Variants in SRGAP1 observed in about 807,000 individuals in gnomAD.
SRGAP1 encodes SLIT-ROBO Rho GTPase-activating protein 1.
SRGAP1 carries 43 observed loss-of-function variants against 121.9 expected under a neutral mutation model. The observed-to-expected ratio is 0.35, with a 90% CI of 0.28 to 0.46. The LOEUF (loss-of-function observed/expected upper bound fraction) is 0.46. Among genes scored for constraint, SRGAP1 ranks in the 20% least tolerant of loss-of-function variants. SRGAP1 has a pLI of 1.00. For missense variants in SRGAP1, 1,102 were observed against 1,350.9 expected (o/e 0.82, Z 2.89); for synonymous variants, 447 against 485.4 (o/e 0.92, Z 1.04).
rs753005951 is a variant in SRGAP1 at position 64,111,817 on chromosome 12, T to A, written c.1975T>A (p.Phe659Ile). Residue 659 changes from phenylalanine to isoleucine, a missense_variant, in exon 17 of 22, where the codon TTT becomes ATT. Phe to Ile is a conservative substitution (Grantham distance 21, BLOSUM62 0). Coordinates refer to ENST00000355086, the MANE Select transcript of SRGAP1 (RefSeq NM_020762.4). The part of the protein sequence containing the change: ...MMDPYNLAIC[F>I]GPTLMPVPEI... The stretch of plus-strand genomic sequence containing the variant: ...GGACCCTTATAACCTGGCCATTTGC[T>A]TTGGCCCAACATTGATGCCTGTCCC... The A allele has an allele frequency of 6.2e-7, 1 of 1,614,104 alleles. No individual in the cohort carries two copies. Among genetic ancestry groups the A allele is most frequent in the East Asian group, 2.2e-5 (1 of 44,868 alleles).
At chr12:63,866,358 G>A (rs140073658) in intron 1 of SRGAP1, among the ~76,000 whole-genome samples, 1 of 152,310 alleles carries the variant, frequency 6.6e-6, no homozygotes, top group East Asian at 1.9e-4. Flanking sequence ...TTGATATTGT[G>A]AGTTGTCTCC....
At chr12:63,969,039 T>G (rs149299102) in intron 1 of SRGAP1, among the ~76,000 whole-genome samples, 2 of 152,204 alleles carry the variant, frequency 1.3e-5, no homozygotes, top group Admixed American at 6.5e-5. Context: ...TGGGTCGGTG[T>G]GGAAAGCTTT....
rs2037201144 is a variant in SRGAP1, at chr12:64,160,494, T to C, written c.*17822T>C. 1.3e-5 allele frequency: 2 copies of C among 152,348 alleles called. No homozygotes were observed. Among genetic ancestry groups the C allele is most frequent in the South Asian group, 4.1e-4 (2 of 4,824 alleles). The allele number at this position is 152,348 out of a possible 1,614,324, so 9.4% of individuals were successfully genotyped here. A position where few individuals can be genotyped will look rare whatever the true frequency, so the allele number is the denominator to read the frequency against. On this transcript the variant is annotated 3_prime_UTR_variant, in exon 22 of 22. Coordinates refer to ENST00000355086, the MANE Select transcript of SRGAP1 (RefSeq NM_020762.4). ...GGAAATGACCCAGCCCTAGATTTAC[T>C]TGGCTTTAGTTTCCATCACCATAGA...
chr12:64,001,954 C>T (rs1332105164), intron 3 of SRGAP1, among the ~76,000 whole-genome samples: 1 of 152,172 alleles, frequency 6.6e-6, no homozygotes, highest in African/African-American at 2.4e-5. Context: ...TGAATACCCG[C>T]AGCAGTTTAA....
chr12:64,000,277 A>AGTGTGTGTGT (rs747929850), intron 3 of SRGAP1, among the ~76,000 whole-genome samples: 103 of 83,426 alleles, frequency 1.2e-3, no homozygotes, highest in Admixed American at 1.9e-3. Flanking sequence ...TGTGTGTGTA[A>AGTGTGTGTGT]AAAAAAAAAA....
chr12:63,930,143 G>A (rs2031417574), intron 1 of SRGAP1, among the ~76,000 whole-genome samples: 1 of 152,070 alleles, frequency 6.6e-6, no homozygotes. Flanking sequence ...AATTACTGAT[G>A]TTTGCTTCAT....
At chr12:63,962,751 C>G (rs1195533264) in intron 1 of SRGAP1, among the ~76,000 whole-genome samples, 1 of 152,134 alleles carries the variant, frequency 6.6e-6, no homozygotes, top group Non-Finnish European at 1.5e-5. Flanking sequence ...CTTAAAACTA[C>G]TCTATAGAAC....
At chr12:64,069,525 A>C (rs1436023191) in intron 8 of SRGAP1, among the ~76,000 whole-genome samples, 2 of 152,208 alleles carry the variant, frequency 1.3e-5, no homozygotes, top group Non-Finnish European at 2.9e-5. Context: ...GTGAATATTC[A>C]TTAGTGCCCA....
intron 1 of SRGAP1, among the ~76,000 whole-genome samples, chr12:63,874,425 G>A (rs753920975): frequency 6.6e-6 from 1 of 152,128 alleles, no homozygotes; most frequent in Non-Finnish European, 1.5e-5. Flanking sequence ...GGATGATCTC[G>A]ATCTCCTGAC....
At chr12:64,084,393 A>G (rs2035902881) in intron 10 of SRGAP1, among the ~76,000 whole-genome samples, 2 of 152,196 alleles carry the variant, frequency 1.3e-5, no homozygotes, top group Non-Finnish European at 2.9e-5. Flanking sequence ...TAGCTTTCCA[A>G]AGAAAATGAT....
intron 1 of SRGAP1, among the ~76,000 whole-genome samples, chr12:63,886,582 C>T (rs1900391315): frequency 1.3e-5 from 2 of 151,988 alleles, no homozygotes; most frequent in South Asian, 2.1e-4. Context: ...TGGGCTCAGG[C>T]GATCCTCCCA....
chr12:64,115,936 C>T (rs768623059), intron 18 of SRGAP1, 43 bp downstream of exon 18: 1 of 1,500,464 alleles, frequency 6.7e-7, no homozygotes, highest in Non-Finnish European at 9.2e-7. Context: ...GTCTTTATAT[C>T]CCTATTGTAA....
chr12:64,081,998 G>A (rs1481904096), intron 10 of SRGAP1: 1 of 15,302 alleles, frequency 6.5e-5, no homozygotes, highest in Non-Finnish European at 1.3e-4. Context: ...TGTCATGTAA[G>A]GTCTTTTTTT....
intron 1 of SRGAP1, among the ~76,000 whole-genome samples, chr12:63,921,676 G>T (rs950517733): frequency 3.3e-5 from 5 of 152,300 alleles, no homozygotes; most frequent in Middle Eastern, 3.4e-3. Context: ...TGTTCTTAAA[G>T]AATATAATTT....
chr12:63,943,737 G>T (rs2031945291), intron 1 of SRGAP1, among the ~76,000 whole-genome samples: 1 of 152,166 alleles, frequency 6.6e-6, no homozygotes. Context: ...ATGGAGATAT[G>T]CAGTGGGCCA....
At chr12:64,035,260 GC>G (rs771397044) in intron 4 of SRGAP1, among the ~76,000 whole-genome samples, 3 of 151,896 alleles carry the variant, frequency 2.0e-5, no homozygotes, top group Admixed American at 6.6e-5. Flanking sequence ...TTAAATATAA[GC>G]TGATTACAAA....
At chr12:63,856,249 T>G (rs1899245101) in intron 1 of SRGAP1, among the ~76,000 whole-genome samples, 1 of 146,126 alleles carries the variant, frequency 6.8e-6, no homozygotes, top group Non-Finnish European at 1.5e-5. Context: ...CGAAACTCCG[T>G]CTCTAAATAA....
At chr12:64,077,410 T>G (rs944288862) in intron 8 of SRGAP1, among the ~76,000 whole-genome samples, 1 of 151,198 alleles carries the variant, frequency 6.6e-6, no homozygotes, top group African/African-American at 2.4e-5. Context: ...AATAAATACA[T>G]GGGTGATGCT....
intron 2 of SRGAP1, 135 bp from the exon 3 acceptor site, chr12:63,989,775 C>A: frequency 1.6e-6 from 1 of 623,778 alleles, no homozygotes; most frequent in South Asian, 2.4e-5. Context: ...GTGTCCTGGT[C>A]TGAGAAATGC....
Sources: gnomAD v4.1 joint callset for allele counts (sites outside exome capture counted in the v4.1 genomes callset) on GRCh38, gnomAD v4.1.1 for gene constraint, MANE v1.5 for transcripts, NCBI Gene and HGNC (gene_info 2026-07-23, HGNC 2026-07-21) for gene names.